The following GM2A variants were observed in gnomAD, a reference collection of about 807,000 sequenced individuals.
GM2A encodes GM2 ganglioside activator.
A neutral mutation model predicts 12.9 loss-of-function variants in GM2A; 7 were observed. That is an observed-to-expected ratio of 0.54 (90% CI 0.31 to 1.02). GM2A has a LOEUF of 1.02. GM2A is among the 50% of genes least tolerant of loss of function. The probability of loss-of-function intolerance (pLI) is 0.05; values close to 1 mark genes in which losing one functional copy is unlikely to be tolerated. For missense variants in GM2A, 246 were observed against 241.0 expected (o/e 1.02, Z -0.14); for synonymous variants, 101 against 96.0 (o/e 1.05, Z -0.30).
Position 151,253,290 on chromosome 5 carries a change from T to C in GM2A, c.74T>C (p.Leu25Pro). 1.2e-6 allele frequency: 2 copies of C among 1,611,188 alleles called. No individual in the cohort carries two copies. The highest frequency in any genetic ancestry group is 1.7e-6 in the Non-Finnish European group (2 of 1,177,542). The part of the protein sequence containing the change: ...LLLAAPAQAH[L>P]KKPSQLSSFS... Reference sequence around the variant, plus strand: ...CTCGCGGCCCCTGCGCAAGCCCACCTGAAAAAGGTGAGTGCACCCTCTTTT... The same window carrying C: ...CTCGCGGCCCCTGCGCAAGCCCACCCGAAAAAGGTGAGTGCACCCTCTTTT... Residue 25 changes from leucine (L) to proline (P), a missense_variant, in exon 1 of 4, where the codon CTG (leucine) becomes CCG (proline). Coordinates refer to ENST00000357164, the MANE Select transcript of GM2A (RefSeq NM_000405.5).
rs1315545938 is a variant in GM2A at position 151,267,523 on chromosome 5, G to C, written c.*72G>C. ...TTTCCTCTGTTTTGTGTTTGCCAAG[G>C]CCAAACTCCCACTCTCTGCCCCCCT... is the stretch of plus-strand genomic sequence containing the variant. On this transcript the variant is annotated 3_prime_UTR_variant, in exon 4 of 4. Coordinates refer to ENST00000357164, the MANE Select transcript of GM2A (RefSeq NM_000405.5). 6.2e-7 allele frequency: 1 copy of C among 1,605,696 alleles called. No homozygotes were observed.
chr5:151,266,447 C>CAA (rs59997121), intron 2 of GM2A, among the ~76,000 whole-genome samples: 6 of 106,132 alleles, frequency 5.7e-5, no homozygotes, highest in African/African-American at 1.5e-4. Context: ...AGCCATGATA[C>CAA]AAAAAAAAAA....
chr5:151,259,232 C>T (rs1448361318), intron 1 of GM2A, among the ~76,000 whole-genome samples: 1 of 152,100 alleles, frequency 6.6e-6, no homozygotes, highest in Non-Finnish European at 1.5e-5. Context: ...AATCACCTGC[C>T]CCTTGAGAGT....
intron 1 of GM2A, among the ~76,000 whole-genome samples, chr5:151,258,041 T>C: frequency 6.6e-6 from 1 of 152,256 alleles, no homozygotes; most frequent in East Asian, 1.9e-4. Context: ...CCAGGGCCTA[T>C]CATCATTGCT....
In GM2A at chr5:151,267,490, AG is replaced by A; in HGVS notation, c.*41del. The A allele has an allele frequency of 6.2e-7, 1 of 1,613,642 alleles. No individual in the cohort carries two copies. The highest frequency in any genetic ancestry group is 8.5e-7 in the Non-Finnish European group (1 of 1,179,762). ...ACAGCAGAATGGAGCGGTGTGAGGA[AG>A]GTCCCTTTTCCTCTGTTTTGTGTTT... On this transcript the variant is annotated 3_prime_UTR_variant, in exon 4 of 4. Transcript: ENST00000357164.
At chr5:151,263,656 A>T (rs1050472101) in intron 2 of GM2A, among the ~76,000 whole-genome samples, 1 of 151,716 alleles carries the variant, frequency 6.6e-6, no homozygotes, top group South Asian at 2.1e-4. Context: ...GGGAGGGGAG[A>T]GGAGTGCTGC....
chr5:151,267,431 G>C lies in GM2A; in HGVS notation c.562G>C (p.Ala188Pro). Reference protein sequence around the residue: ...GKRLGCIKIAASLKGI With the variant: ...GKRLGCIKIAPSLKGI ...GCGTCTGGGCTGCATCAAGATCGCT[G>C]CCTCTCTAAAGGGCATATAACATGG... is the stretch of plus-strand genomic sequence containing the variant. The change falls in exon 4 of 4, where the codon GCC (alanine) becomes CCC (proline). Residue 188 changes from alanine to proline, a missense_variant. Coordinates refer to ENST00000357164, the MANE Select transcript of GM2A (RefSeq NM_000405.5). 2 of 1,614,146 alleles carry C rather than the reference G, an allele frequency of 1.2e-6. No individual in the cohort carries two copies. The highest frequency in any genetic ancestry group is 1.1e-5 in the South Asian group (1 of 91,078).
intron 2 of GM2A, among the ~76,000 whole-genome samples, chr5:151,261,654 G>C (rs983362517): frequency 2.0e-4 from 30 of 151,988 alleles, no homozygotes; most frequent in Admixed American, 2.0e-3. Context: ...GGCCAGGCTG[G>C]TCTTGAACTC....
intron 3 of GM2A, 136 bp from the exon 4 acceptor site, chr5:151,267,160 G>A (rs1352096792): frequency 2.3e-5 from 26 of 1,112,918 alleles, no homozygotes; most frequent in South Asian, 1.7e-4. Context: ...TGCTATGGCC[G>A]TCTCTCATCT....
In GM2A at chr5:151,253,216, G is replaced by T; in HGVS notation, c.-1G>T. 3 of 1,613,424 alleles carry T rather than the reference G, an allele frequency of 1.9e-6. No homozygotes were observed. Among genetic ancestry groups the T allele is most frequent in the African/African-American group, 1.3e-5 (1 of 75,022 alleles). Reference sequence around the variant, plus strand: ...AACTCCGCCCTGACCCACCCTTCCCGATGCAGTCCCTGATGCAGGCTCCCC... The same window carrying T: ...AACTCCGCCCTGACCCACCCTTCCCTATGCAGTCCCTGATGCAGGCTCCCC... On this transcript the variant is annotated 5_prime_UTR_variant, in exon 1 of 4. Coordinates refer to ENST00000357164, the MANE Select transcript of GM2A (RefSeq NM_000405.5).
In GM2A at chr5:151,259,776, T is replaced by G; in HGVS notation, c.103T>G (p.Ser35Ala). The change falls in exon 2 of 4, where the codon TCC becomes GCC. Residue 35 changes from serine to alanine, a missense_variant. Physicochemically the swap from Ser to Ala is moderately conservative, Grantham distance 99. Coordinates refer to ENST00000357164, the MANE Select transcript of GM2A (RefSeq NM_000405.5). ...CCAGCCATCCCAGCTCAGTAGCTTT[T>G]CCTGGGATAACTGTGATGAAGGGAA... Reference protein sequence around the residue: ...LKKPSQLSSFSWDNCDEGKDP... With the variant: ...LKKPSQLSSFAWDNCDEGKDP... 1 of 1,614,044 alleles carries G rather than the reference T, an allele frequency of 6.2e-7. No homozygotes were observed. The highest frequency in any genetic ancestry group is 1.3e-5 in the African/African-American group (1 of 75,038).
At chr5:151,262,641 G>A (rs1022787168) in intron 2 of GM2A, among the ~76,000 whole-genome samples, 1 of 152,200 alleles carries the variant, frequency 6.6e-6, no homozygotes, top group Non-Finnish European at 1.5e-5. Flanking sequence ...TGTTCCTCAA[G>A]TGATAGGGGG....
rs763407122 is a variant in GM2A at position 151,259,822 on chromosome 5, G to A, written c.149G>A (p.Ser50Asn). 11 of 1,613,572 alleles carry A rather than the reference G, an allele frequency of 6.8e-6. No individual in the cohort carries two copies. The East Asian group carries it at 2.2e-4, about 33-fold the overall frequency. ...DEGKDPAVIRSLTLEPDPIIV... is the reference protein window; with the variant it reads ...DEGKDPAVIRNLTLEPDPIIV... ...GGGAAGGACCCTGCGGTGATCAGAA[G>A]CCTGACTCTGGAGCCTGACCCCATC... Residue 50 changes from serine (S) to asparagine (N), a missense_variant, in exon 2 of 4, where the codon AGC becomes AAC. By Grantham distance (46) the Ser-to-Asn change is conservative (BLOSUM62 1). Transcript: ENST00000357164.
At chr5:151,258,328 C>A (rs1251806487) in intron 1 of GM2A, among the ~76,000 whole-genome samples, 5 of 152,182 alleles carry the variant, frequency 3.3e-5, no homozygotes, top group African/African-American at 1.2e-4. Context: ...CTCGCCCTTG[C>A]AACATCCTGG....
Position 151,259,854 on chromosome 5 carries a change from C to T in GM2A, c.181C>T (p.Pro61Ser), listed in dbSNP as rs1753761853. Reference sequence around the variant, plus strand: ...TCTGGAGCCTGACCCCATCATCGTTCCTGGAAATGTGACCCTCAGTGTCAT... The same window carrying T: ...TCTGGAGCCTGACCCCATCATCGTTTCTGGAAATGTGACCCTCAGTGTCAT... Reference protein sequence around the residue: ...LTLEPDPIIVPGNVTLSVMGS... With the variant: ...LTLEPDPIIVSGNVTLSVMGS... Residue 61 changes from proline to serine, a missense_variant, in exon 2 of 4, where the codon CCT (proline) becomes TCT (serine). Transcript: ENST00000357164. The T allele has an allele frequency of 8.7e-6, 14 of 1,613,560 alleles. No homozygotes were observed. Among genetic ancestry groups the T allele is most frequent in the Non-Finnish European group, 1.2e-5 (14 of 1,179,488 alleles).
chr5:151,253,895 C>T (rs1753637177), intron 1 of GM2A, among the ~76,000 whole-genome samples: 1 of 152,224 alleles, frequency 6.6e-6, no homozygotes, highest in Non-Finnish European at 1.5e-5. Context: ...TTCTCATTCA[C>T]ACCGTGCTGC....
chr5:151,267,939 C>A lies in GM2A; in HGVS notation c.*488C>A. 8.9e-7 allele frequency: 1 copy of A among 1,119,500 alleles called. No individual in the cohort carries two copies. The highest frequency in any genetic ancestry group is 1.1e-6 in the Non-Finnish European group (1 of 909,164). 69.3% of individuals were successfully genotyped at this position (1,119,500 alleles called of 1,614,324 possible). A position where few individuals can be genotyped will look rare whatever the true frequency, so the allele number is the denominator to read the frequency against. On this transcript the variant is annotated 3_prime_UTR_variant, in exon 4 of 4. Coordinates refer to ENST00000357164, the MANE Select transcript of GM2A (RefSeq NM_000405.5). ...TCTTAGTCTATTCCTCCCTTAACTT[C>A]TGTGACTAATTTTTATTTCCTTTCT...
rs1489408545 is a variant in GM2A at position 151,269,249 on chromosome 5, C to A, written c.*1798C>A. 2.0e-6 allele frequency: 2 copies of A among 985,292 alleles called. No homozygotes were observed. The highest frequency in any genetic ancestry group is 2.4e-6 in the Non-Finnish European group (2 of 829,938). The allele number at this position is 985,292 out of a possible 1,614,324, so 61.0% of individuals were successfully genotyped here. ...ATCTTTTTAACTTGCGGACAGTTTC[C>A]CCTTGCCTTGGCTGCATATTTCACT... is the stretch of plus-strand genomic sequence containing the variant. On this transcript the variant is annotated 3_prime_UTR_variant, in exon 4 of 4. Coordinates refer to ENST00000357164, the MANE Select transcript of GM2A (RefSeq NM_000405.5).
In GM2A at chr5:151,267,725, A is replaced by G. The variant is rs886060270; in HGVS notation, c.*274A>G. 30 of 1,347,834 alleles carry G rather than the reference A, an allele frequency of 2.2e-5. No individual in the cohort carries two copies. The highest frequency in any genetic ancestry group is 2.7e-5 in the Non-Finnish European group (28 of 1,034,788). 83.5% of individuals were successfully genotyped at this position (1,347,834 alleles called of 1,614,324 possible). A position where few individuals can be genotyped will look rare whatever the true frequency, so the allele number is the denominator to read the frequency against. On this transcript the variant is annotated 3_prime_UTR_variant, in exon 4 of 4. Coordinates refer to ENST00000357164, the MANE Select transcript of GM2A (RefSeq NM_000405.5). ...CTCATCCCCGTTAACATTCTCTCTA[A>G]AGAGCCTCGTTCATTTCCAAAGCAG...
Sources: allele counts gnomAD v4.1 joint callset (sites outside exome capture counted in the v4.1 genomes callset), GRCh38; gene constraint gnomAD v4.1.1; transcripts MANE v1.5; gene names NCBI Gene and HGNC (gene_info 2026-07-23, HGNC 2026-07-21).